ACTL6B: variants seen among roughly 807,000 people sequenced by gnomAD.
ACTL6B encodes the protein actin-like protein 6B.
ACTL6B carries 48 observed loss-of-function variants against 63.3 expected under a neutral mutation model. The ratio of observed to expected loss-of-function variants is 0.76; its 90% CI spans 0.60 to 0.96. ACTL6B has a LOEUF of 0.96. ACTL6B is among the 50% of genes least tolerant of loss of function. The pLI is 0.00. For missense variants in ACTL6B, 350 were observed against 572.2 expected (o/e 0.61, Z 3.96); for synonymous variants, 230 against 223.8 (o/e 1.03, Z -0.25).
At chr7:100,653,022 A>AAAAAAAAAAAAAAAAAAAAAAAT (rs1803971186) in intron 4 of ACTL6B, among the ~76,000 whole-genome samples, 1 of 145,012 alleles carries the variant, frequency 6.9e-6, no homozygotes, top group Non-Finnish European at 1.5e-5. Context: ...AAAAAAAAAA[A>AAAAAAAAAAAAAAAAAAAAAAAT]AAAAAAAAAA....
At position 100,646,362 on chromosome 7, in the gene ACTL6B, G is replaced by A. The variant is rs768824787; in HGVS notation, c.1114-27C>T. ...TGGGGGTAAAAAGGGGCTGGGGGAA[G>A]CAGACACCTAGGTTCTGGGAAGGGA... is the stretch of plus-strand genomic sequence containing the variant. On this transcript the variant is annotated intron_variant, in intron 12 of 13. Coordinates refer to ENST00000160382, the MANE Select transcript of ACTL6B (RefSeq NM_016188.5). The surrounding 1 kb of genome is among the most constrained non-coding windows in gnomAD (Gnocchi z 6.1). 2 of 1,610,694 alleles carry A rather than the reference G, an allele frequency of 1.2e-6. No individual in the cohort carries two copies. Among genetic ancestry groups the A allele is most frequent in the South Asian group, 2.2e-5 (2 of 90,566 alleles).
Position 100,655,956 on chromosome 7 carries a change from G to T in ACTL6B, c.26-77C>A. On this transcript the variant is annotated intron_variant, in intron 1 of 13. Transcript: ENST00000160382. This position sits in a 1 kb window ranked among gnomAD's most constrained non-coding sequence, Gnocchi z 4.4. The stretch of plus-strand genomic sequence containing the variant: ...TAGGTAGCTCCGAGAGAAAGTCAGG[G>T]CAGAGCCACAGTCTCGCCACTTTCA... 1.4e-6 allele frequency: 2 copies of T among 1,439,230 alleles called. No individual in the cohort carries two copies. The highest frequency in any genetic ancestry group is 1.9e-6 in the Non-Finnish European group (2 of 1,061,330). 89.2% of individuals were successfully genotyped at this position (1,439,230 alleles called of 1,614,324 possible).
rs1464117278 is a variant in ACTL6B at position 100,647,238 on chromosome 7, G to A, written c.806C>T (p.Ser269Phe). The A allele has an allele frequency of 6.2e-7, 1 of 1,613,522 alleles. No individual in the cohort carries two copies. The highest frequency in any genetic ancestry group is 8.5e-7 in the Non-Finnish European group (1 of 1,179,956). ...CCACACTCACTGTTCATCGTAGGGG[G>A]AGTCTGAGACCTGCAGCACGGAGGC... Reference protein sequence around the residue: ...FQASVLQVSDSPYDEQVAAQM... With the variant: ...FQASVLQVSDFPYDEQVAAQM... Residue 269 changes from serine to phenylalanine, a missense_variant, in exon 9 of 14, where the codon TCC (serine) becomes TTC (phenylalanine). Around this residue, in one of 3 missense-constraint regions of ACTL6B, gnomAD observed 250 missense variants for 364.7 expected, o/e 0.69. Coordinates refer to ENST00000160382, the MANE Select transcript of ACTL6B (RefSeq NM_016188.5). The surrounding 1 kb of genome is among the most constrained non-coding windows in gnomAD (Gnocchi z 4.4).
At chr7:100,653,337 C>G (rs1204190383) in intron 4 of ACTL6B, among the ~76,000 whole-genome samples, 1 of 152,044 alleles carries the variant, frequency 6.6e-6, no homozygotes, top group South Asian at 2.1e-4. Context: ...ATACTGAATA[C>G]TGATTTCTTT....
chr7:100,650,195 C>A, intron 4 of ACTL6B, 60 bp from the exon 5 acceptor site: 3 of 1,456,726 alleles, frequency 2.1e-6, no homozygotes, highest in South Asian at 2.3e-5. Flanking sequence ...CCCACATCCA[C>A]GCACACGCAA....
chr7:100,653,636 C>A (rs145913830), intron 4 of ACTL6B, among the ~76,000 whole-genome samples: 2 of 152,050 alleles, frequency 1.3e-5, no homozygotes, highest in Non-Finnish European at 2.9e-5. Flanking sequence ...ACTGAGCAGA[C>A]CCCCTGTTTT....
At chr7:100,651,192 T>A (rs914625841) in intron 4 of ACTL6B, among the ~76,000 whole-genome samples, 7 of 136,316 alleles carry the variant, frequency 5.1e-5, no homozygotes, top group Admixed American at 2.4e-4. Flanking sequence ...CTAGCTAAGC[T>A]ATCAACTCAA....
chr7:100,647,519 C>T lies in ACTL6B; in HGVS notation c.684G>A (p.Glu228=), dbSNP rs1340647623. The T allele has an allele frequency of 2.5e-6, 4 of 1,603,068 alleles. No individual in the cohort carries two copies. In the African/African-American group the frequency reaches 5.4e-5, roughly 21 times the overall value. ...TCTTCTTCCAGTTTGGGGGGGCACCCTCCCGGACAGGCTCCTGTGGGGGCA... is the reference window on the plus strand; with the variant it reads ...TCTTCTTCCAGTTTGGGGGGGCACCTTCCCGGACAGGCTCCTGTGGGGGCA... The part of the protein sequence containing the change: ...YMIAAKEPVR[E]GAPPNWKKKE... The change falls in exon 8 of 14, where the codon GAG becomes GAA. Residue 228 remains glutamate (E), a synonymous_variant. Transcript: ENST00000160382. This position sits in a 1 kb window ranked among gnomAD's most constrained non-coding sequence, Gnocchi z 4.4.
Position 100,647,267 on chromosome 7 carries a change from G to A in ACTL6B, c.777C>T (p.Phe259=), listed in dbSNP as rs1584468208. The change falls in exon 9 of 14, where the codon TTC becomes TTT. Residue 259 remains phenylalanine, a synonymous_variant. Coordinates refer to ENST00000160382, the MANE Select transcript of ACTL6B (RefSeq NM_016188.5). This position sits in a 1 kb window ranked among gnomAD's most constrained non-coding sequence, Gnocchi z 4.4. ...CTGAGACCTGCAGCACGGAGGCCTG[G>A]AAGTCCTGGATCACCTCCTGAAATC... ...NYMCNEVIQD[F]QASVLQVSDS... 1 of 1,613,436 alleles carries A rather than the reference G, an allele frequency of 6.2e-7. No homozygotes were observed. Among genetic ancestry groups the A allele is most frequent in the Non-Finnish European group, 8.5e-7 (1 of 1,179,954 alleles).
Position 100,650,107 on chromosome 7 carries a change from A to G in ACTL6B, c.398T>C (p.Leu133Pro). ...GTACTGCTCGAACATCAGCTCTGTC[A>G]GCTTCTCCCGCTTGGCCCGTGTGTT... ...PWNTRAKREKLTELMFEQYNI... is the reference protein window; with the variant it reads ...PWNTRAKREKPTELMFEQYNI... Residue 133 changes from leucine (L) to proline (P), a missense_variant, in exon 5 of 14, where the codon CTG (leucine) becomes CCG (proline). By Grantham distance (98) the Leu-to-Pro change is moderately conservative. This residue lies in a region of ACTL6B where 250 missense variants were observed against 364.7 expected (regional missense o/e 0.69). Coordinates refer to ENST00000160382, the MANE Select transcript of ACTL6B (RefSeq NM_016188.5). 6.2e-7 allele frequency: 1 copy of G among 1,613,960 alleles called. No homozygotes were observed. Among genetic ancestry groups the G allele is most frequent in the South Asian group, 1.1e-5 (1 of 91,076 alleles).
chr7:100,648,745 G>A lies in ACTL6B; in HGVS notation c.546C>T (p.Gly182=), dbSNP rs76279851. The change falls in exon 6 of 14, where the codon GGC becomes GGT. Residue 182 remains glycine, a synonymous_variant. Transcript: ENST00000160382. This position sits in a 1 kb window ranked among gnomAD's most constrained non-coding sequence, Gnocchi z 4.4. ...AAGCCCCACCTTGCTGCAGAACGTAGCCGTCATGTACTGGAATGGCCGTGG... is the reference window on the plus strand; with the variant it reads ...AAGCCCCACCTTGCTGCAGAACGTAACCGTCATGTACTGGAATGGCCGTGG... ...THTTAIPVHD[G]YVLQQGIVKS... 6.4e-5 allele frequency: 104 copies of A among 1,614,114 alleles called. No individual in the cohort carries two copies. In the African/African-American group the frequency reaches 1.1e-3, roughly 17 times the overall value.
chr7:100,652,999 C>CAAAAAAAAAAAAAAAAAAAAAAAAAAAA (rs58707737), intron 4 of ACTL6B, among the ~76,000 whole-genome samples: 1 of 25,930 alleles, frequency 3.9e-5, no homozygotes, highest in African/African-American at 1.7e-4. Context: ...AACTCCGTCT[C>CAAAAAAAAAAAAAAAAAAAAAAAAAAAA]AAAAAAAAAA....
Position 100,647,991 on chromosome 7 carries a change from A to C in ACTL6B, c.670-458T>G, listed in dbSNP as rs1584468623. Among the ~76,000 whole-genome samples the C allele has an allele frequency of 4.5e-5, 6 of 133,652 alleles. No homozygotes were observed. Among genetic ancestry groups the C allele is most frequent in the Admixed American group, 8.2e-5 (1 of 12,204 alleles). 87.7% of individuals were successfully genotyped at this position (133,652 alleles called of 152,430 possible). A position where few individuals can be genotyped will look rare whatever the true frequency, so the allele number is the denominator to read the frequency against. On this transcript the variant is annotated intron_variant, in intron 7 of 13. Coordinates refer to ENST00000160382, the MANE Select transcript of ACTL6B (RefSeq NM_016188.5). The surrounding 1 kb of genome is among the most constrained non-coding windows in gnomAD (Gnocchi z 4.4). The stretch of plus-strand genomic sequence containing the variant: ...TTTTTTTTTTTTCAGATGGAGTCTC[A>C]CTCGGTCGCCCAGGCTGGAGTGCAG...
At chr7:100,650,893 G>T (rs1399894201) in intron 4 of ACTL6B, among the ~76,000 whole-genome samples, 1 of 151,940 alleles carries the variant, frequency 6.6e-6, no homozygotes, top group Non-Finnish European at 1.5e-5. Flanking sequence ...GAGAGAAAAT[G>T]GAGAGAAATA....
chr7:100,648,912 G>C lies in ACTL6B; in HGVS notation c.468-89C>G. The C allele has an allele frequency of 7.6e-7, 1 of 1,318,444 alleles. No individual in the cohort carries two copies. Among genetic ancestry groups the C allele is most frequent in the Non-Finnish European group, 1.0e-6 (1 of 969,886 alleles). 81.7% of individuals were successfully genotyped at this position (1,318,444 alleles called of 1,614,324 possible). A position where few individuals can be genotyped will look rare whatever the true frequency, so the allele number is the denominator to read the frequency against. ...TGTCTGGTCACTCTCTGCTCTACCG[G>C]GGTCCAGCCCATCCCCAGTCTGCAA... On this transcript the variant is annotated intron_variant, in intron 5 of 13. Coordinates refer to ENST00000160382, the MANE Select transcript of ACTL6B (RefSeq NM_016188.5). The surrounding 1 kb of genome is among the most constrained non-coding windows in gnomAD (Gnocchi z 4.4).
chr7:100,655,011 G>GCT lies in ACTL6B; in HGVS notation c.369+7_369+8insAG, dbSNP rs1554367532. The GCT allele has an allele frequency of 2.2e-5, 36 of 1,610,224 alleles. No homozygotes were observed. The highest frequency in any genetic ancestry group is 3.0e-5 in the Non-Finnish European group (35 of 1,177,006). ...AGGGTTGGACATGAGGATGGAGGAG[G>GCT]CACTCACCGGAGCCTCGGACATGAG... On this transcript the variant is annotated splice_region_variant and intron_variant, in intron 4 of 13. Transcript: ENST00000160382. The surrounding 1 kb of genome is among the most constrained non-coding windows in gnomAD (Gnocchi z 4.4).
chr7:100,650,683 A>T (rs888986498), intron 4 of ACTL6B, among the ~76,000 whole-genome samples: 1 of 152,174 alleles, frequency 6.6e-6, no homozygotes. Context: ...TAAAAAAAAA[A>T]TTTAAAGTAA....
rs1371938820 is a variant in ACTL6B, at chr7:100,646,321, T to C, written c.1128A>G (p.Lys376=). The C allele has an allele frequency of 6.2e-6, 10 of 1,613,662 alleles. No individual in the cohort carries two copies. In the African/African-American group the frequency reaches 1.1e-4, roughly 17 times the overall value. ...SQKTPPSMRL[K]LIASNSTMER... ...CCATGGTGCTGTTGCTGGCAATGAG[T>C]TTCAGTCGCATGCTCTGGGGGTAAA... The change falls in exon 13 of 14, where the codon AAA becomes AAG. Residue 376 remains lysine, a synonymous_variant. Coordinates refer to ENST00000160382, the MANE Select transcript of ACTL6B (RefSeq NM_016188.5). This position sits in a 1 kb window ranked among gnomAD's most constrained non-coding sequence, Gnocchi z 6.1.
rs1803843999 is a variant in ACTL6B, at chr7:100,647,365, C to A, written c.759+79G>T. The stretch of plus-strand genomic sequence containing the variant: ...GCCCCGCTCCCCCTCCCTGCTCCCC[C>A]TCCCATGCGGGGCCTCTGTCCCGCC... On this transcript the variant is annotated intron_variant, in intron 8 of 13. Transcript: ENST00000160382. The surrounding 1 kb of genome is among the most constrained non-coding windows in gnomAD (Gnocchi z 4.4). 5 of 1,600,784 alleles carry A rather than the reference C, an allele frequency of 3.1e-6. No individual in the cohort carries two copies. The Admixed American group carries it at 6.7e-5, about 21-fold the overall frequency.
Sources: gnomAD v4.1 joint callset for allele counts (sites outside exome capture counted in the v4.1 genomes callset) on GRCh38, gnomAD v4.1.1 for gene constraint, gnomAD v4.1.1 regional missense constraint, Gnocchi (gnomAD v3.1) non-coding constraint, MANE v1.5 for transcripts, NCBI Gene and HGNC (gene_info 2026-07-23, HGNC 2026-07-21) for gene names.